Variants in SLCO1A2 observed in about 807,000 individuals in gnomAD.
SLCO1A2 encodes the protein OATP-1.
SLCO1A2 carries 67 observed loss-of-function variants against 69.0 expected under a neutral mutation model. The observed-to-expected ratio is 0.97, with a 90% CI of 0.80 to 1.19. The LOEUF (loss-of-function observed/expected upper bound fraction) is 1.19. Ranked by LOEUF, SLCO1A2 falls within the 50% of genes most tolerant of loss-of-function variation. The pLI, the probability that SLCO1A2 is intolerant of heterozygous loss-of-function variation, is 0.00. For missense variants in SLCO1A2, 787 were observed against 793.7 expected (o/e 0.99, Z 0.10); for synonymous variants, 260 against 265.9 (o/e 0.98, Z 0.22).
At position 21,268,085 on chromosome 12, in the gene SLCO1A2, GCTTT is replaced by G. The variant is rs1472368740; in HGVS notation, c.*1459_*1462del. Reference sequence around the variant, plus strand: ...CTATACAGCCTTTCTCTTCTCATTTGCTTTCTTTTTTCATATGATGCATCTGATC... The same window carrying G: ...CTATACAGCCTTTCTCTTCTCATTTGCTTTTTTCATATGATGCATCTGATC... On this transcript the variant is annotated 3_prime_UTR_variant, in exon 15 of 15. Transcript: ENST00000683939. 1.5e-5 allele frequency: 2 copies of G among 129,140 alleles called. No individual in the cohort carries two copies. Among genetic ancestry groups the G allele is most frequent in the African/African-American group, 6.3e-5 (2 of 31,674 alleles). 8.0% of individuals were successfully genotyped at this position (129,140 alleles called of 1,614,324 possible). A position where few individuals can be genotyped will look rare whatever the true frequency, so the allele number is the denominator to read the frequency against.
At chr12:21,359,932 T>C (rs1409765984) in intron 2 of SLCO1A2, among the ~76,000 whole-genome samples, 1 of 152,030 alleles carries the variant, frequency 6.6e-6, no homozygotes, top group African/African-American at 2.4e-5. Context: ...TGTAATATAT[T>C]CACACAATGA....
chr12:21,374,016 C>A (rs1208425732), intron 2 of SLCO1A2, among the ~76,000 whole-genome samples: 1 of 152,120 alleles, frequency 6.6e-6, no homozygotes, highest in Non-Finnish European at 1.5e-5. Flanking sequence ...GCTAGCTATT[C>A]TGTGAGTGAA....
intron 14 of SLCO1A2, among the ~76,000 whole-genome samples, chr12:21,271,882 G>C (rs891547473): frequency 2.7e-5 from 4 of 148,872 alleles, no homozygotes; most frequent in Non-Finnish European, 4.5e-5. Context: ...ATATACATAT[G>C]TGTATATATA....
At chr12:21,284,165 C>T (rs1004654373) in intron 12 of SLCO1A2, among the ~76,000 whole-genome samples, 3 of 152,062 alleles carry the variant, frequency 2.0e-5, no homozygotes, top group African/African-American at 7.2e-5. Flanking sequence ...TGGAAGCAAC[C>T]TAAGTGTCCA....
At chr12:21,341,475 T>A (rs1953066671) in intron 2 of SLCO1A2, among the ~76,000 whole-genome samples, 1 of 152,064 alleles carries the variant, frequency 6.6e-6, no homozygotes, top group Non-Finnish European at 1.5e-5. Flanking sequence ...CTTTGATCCA[T>A]GTTAATGCTG....
At chr12:21,282,734 CAGTAA>C (rs1331952706) in intron 12 of SLCO1A2, among the ~76,000 whole-genome samples, 1 of 152,012 alleles carries the variant, frequency 6.6e-6, no homozygotes, top group African/African-American at 2.4e-5. Flanking sequence ...TAAACAAATT[CAGTAA>C]AGTTGCAGGA....
At chr12:21,273,719 C>A (rs943061679) in intron 14 of SLCO1A2, among the ~76,000 whole-genome samples, 8 of 152,138 alleles carry the variant, frequency 5.3e-5, no homozygotes, top group Non-Finnish European at 1.2e-4. Context: ...CTGGGGAGCT[C>A]TGGGGGAAAG....
In SLCO1A2 at chr12:21,269,819, C is replaced by A. The variant is rs780523621; in HGVS notation, c.1794-52G>T. 79 of 1,380,852 alleles carry A rather than the reference C, an allele frequency of 5.7e-5. 2 individuals are homozygous for A. The South Asian group carries it at 1.2e-3, about 20-fold the overall frequency. 85.5% of individuals were successfully genotyped at this position (1,380,852 alleles called of 1,614,324 possible). Reference sequence around the variant, plus strand: ...TAAATATTACATAGTGTGGTTAGTGCAAACTAAATTTGTATATCTTTGTAT... The same window carrying A: ...TAAATATTACATAGTGTGGTTAGTGAAAACTAAATTTGTATATCTTTGTAT... On this transcript the variant is annotated intron_variant, in intron 14 of 14. Coordinates refer to ENST00000683939, the MANE Select transcript of SLCO1A2 (RefSeq NM_001386879.1).
intron 2 of SLCO1A2, among the ~76,000 whole-genome samples, chr12:21,342,477 A>T (rs998715209): frequency 1.3e-5 from 2 of 152,052 alleles, no homozygotes; most frequent in Admixed American, 6.6e-5. Flanking sequence ...ATAAAAAATC[A>T]GCTTCCTCTT....
chr12:21,391,324 G>A (rs1382230531), intron 1 of SLCO1A2, among the ~76,000 whole-genome samples: 3 of 152,004 alleles, frequency 2.0e-5, no homozygotes, highest in African/African-American at 2.4e-5. Flanking sequence ...TTTCAGTCTC[G>A]TGGAGCTGAT....
At chr12:21,362,638 T>C (rs2137053806) in intron 2 of SLCO1A2, among the ~76,000 whole-genome samples, 1 of 152,096 alleles carries the variant, frequency 6.6e-6, no homozygotes, top group Admixed American at 6.5e-5. Context: ...CATCAGTGTG[T>C]GGTATTCAGG....
chr12:21,271,977 T>C (rs1387210792), intron 14 of SLCO1A2, among the ~76,000 whole-genome samples: 12 of 151,308 alleles, frequency 7.9e-5, no homozygotes, highest in African/African-American at 2.7e-4. Context: ...AGTGCTTTCA[T>C]TGACATACAG....
chr12:21,406,759 T>C (rs1941829349), intron 1 of SLCO1A2, among the ~76,000 whole-genome samples: 1 of 152,206 alleles, frequency 6.6e-6, no homozygotes, highest in African/African-American at 2.4e-5. Context: ...ACCACTACAC[T>C]ATACTGCCTC....
chr12:21,318,236 A>G (rs1231791859), intron 3 of SLCO1A2, among the ~76,000 whole-genome samples: 1 of 151,396 alleles, frequency 6.6e-6, no homozygotes, highest in Non-Finnish European at 1.5e-5. Flanking sequence ...CTCCTGCTTC[A>G]GCCTCCCAAG....
At chr12:21,307,311 C>T (rs4148994) in intron 4 of SLCO1A2, among the ~76,000 whole-genome samples, 5,809 of 152,164 alleles carry the variant, frequency 0.038, 474 homozygotes, top group East Asian at 0.35. Flanking sequence ...GGAACACAAA[C>T]TTTAAAAAAT....
rs139606014 is a variant in SLCO1A2 at position 21,374,530 on chromosome 12, G to A, written c.-189-5C>T. 54 of 152,216 alleles carry A rather than the reference G, an allele frequency of 3.5e-4. 1 individual carries two copies. The highest frequency in any genetic ancestry group is 1.3e-3 in the African/African-American group (53 of 41,552). The allele number at this position is 152,216 out of a possible 1,614,324, so 9.4% of individuals were successfully genotyped here. On this transcript the variant is annotated splice_polypyrimidine_tract_variant and splice_region_variant and intron_variant, in intron 1 of 15. Coordinates refer to the SLCO1A2 transcript ENST00000307378. ...ATGCAAAGATTTCTACAGCACCTAC[G>A]TATAATAAATAGCAAGAATCATTAT...
At chr12:21,271,386 T>C (rs2136051520) in intron 14 of SLCO1A2, among the ~76,000 whole-genome samples, 2 of 151,898 alleles carry the variant, frequency 1.3e-5, no homozygotes, top group Admixed American at 6.6e-5. Flanking sequence ...TAGGATGATA[T>C]TTATATTGTC....
chr12:21,303,059 C>A, intron 6 of SLCO1A2, among the ~76,000 whole-genome samples: 1 of 152,032 alleles, frequency 6.6e-6, no homozygotes, highest in East Asian at 1.9e-4. Flanking sequence ...GAACTGTTTT[C>A]TTGGTGTAGA....
At chr12:21,340,398 TTACAAACAG>T (rs1426513050) in intron 2 of SLCO1A2, among the ~76,000 whole-genome samples, 5 of 152,010 alleles carry the variant, frequency 3.3e-5, no homozygotes, top group Non-Finnish European at 7.4e-5. Flanking sequence ...AGCAGCCAGA[TTACAAACAG>T]TACATAATTT....
Sources: gnomAD v4.1 joint callset for allele counts (sites outside exome capture counted in the v4.1 genomes callset) on GRCh38, gnomAD v4.1.1 for gene constraint, MANE v1.5 for transcripts, NCBI Gene and HGNC (gene_info 2026-07-23, HGNC 2026-07-21) for gene names.